LMAN1: variants seen among roughly 807,000 people sequenced by gnomAD.
The protein encoded by LMAN1 is protein ERGIC-53.
LMAN1 carries 32 observed loss-of-function variants against 67.8 expected under a neutral mutation model. The observed-to-expected ratio is 0.47, with a 90% CI of 0.36 to 0.63. The LOEUF is 0.63. Ranked by LOEUF, LMAN1 falls within the 30% of genes least tolerant of loss-of-function variation. The pLI, the probability that LMAN1 is intolerant of heterozygous loss-of-function variation, is 0.00. For synonymous variants in LMAN1, 235 were observed against 219.3 expected, an observed-to-expected ratio of 1.07 and a Z score of -0.63; for missense variants, 632 against 628.2, an observed-to-expected ratio of 1.01 and a Z score of -0.06.
chr18:59,353,301 A>G lies in LMAN1; in HGVS notation c.540T>C (p.Asn180=), dbSNP rs886054038. 4 of 1,611,180 alleles carry G rather than the reference A, an allele frequency of 2.5e-6. No homozygotes were observed. The highest frequency in any genetic ancestry group is 3.4e-6 in the Non-Finnish European group (4 of 1,177,294). The change falls in exon 5 of 13, where the codon AAT becomes AAC. Residue 180 remains asparagine (N), a splice_region_variant and synonymous_variant. Transcript: ENST00000251047. ...TTGCCAAAGCTTGACTAGCCCCGTC[A>G]CTATAGTGTAAGGGGGAGGAAAACA... ...NNGQIHYDHQ[N]DGASQALASC... is the part of the protein sequence containing the mutation.
At chr18:59,348,234 A>G (rs780093047) in intron 6 of LMAN1, among the ~76,000 whole-genome samples, 1 of 152,244 alleles carries the variant, frequency 6.6e-6, no homozygotes, top group Non-Finnish European at 1.5e-5. Context: ...AGAGCAATTA[A>G]TATCAATCGT....
At chr18:59,352,888 A>C in intron 5 of LMAN1, 1 of 356,574 alleles carries the variant, frequency 2.8e-6, no homozygotes, top group Non-Finnish European at 5.4e-6. Flanking sequence ...TGTATCCTGA[A>C]GGCTTGGAGA....
rs1908614964 is a variant in LMAN1, at chr18:59,354,490, C to T, written c.539+29G>A. ...AAGGATTCCAAAAAGAAGCTGAAAT[C>T]AGGAGTAATGTAAAAAACACACACT... On this transcript the variant is annotated intron_variant, in intron 4 of 12. Transcript: ENST00000251047. 3.2e-6 allele frequency: 4 copies of T among 1,265,424 alleles called. No homozygotes were observed. In the African/African-American group the frequency reaches 5.9e-5, roughly 19 times the overall value. The allele number at this position is 1,265,424 out of a possible 1,614,324, so 78.4% of individuals were successfully genotyped here.
intron 1 of LMAN1, among the ~76,000 whole-genome samples, chr18:59,358,705 G>A (rs766821740): frequency 6.6e-6 from 1 of 152,170 alleles, no homozygotes; most frequent in Non-Finnish European, 1.5e-5. Flanking sequence ...ATACCTAGAA[G>A]CAAGTTTGAG....
chr18:59,338,526 T>A, intron 10 of LMAN1, 31 bp downstream of exon 10: 1 of 1,580,234 alleles, frequency 6.3e-7, no homozygotes, highest in Non-Finnish European at 8.7e-7. Flanking sequence ...AAAAATCACA[T>A]AACACACAAA....
At position 59,333,094 on chromosome 18, in the gene LMAN1, A is replaced by G; in HGVS notation, c.1371T>C (p.Asn457=). The change falls in exon 11 of 13, where the codon AAT becomes AAC. Residue 457 remains asparagine (N), a synonymous_variant. Transcript: ENST00000251047. The part of the protein sequence containing the change: ...KRDIDNLVQR[N]MPSNEKPKCP... Reference sequence around the variant, plus strand: ...AAGGAAAAGGAAACAAAGTTACCATATTTCGCTGCACTAAGTTATCTATGT... The same window carrying G: ...AAGGAAAAGGAAACAAAGTTACCATGTTTCGCTGCACTAAGTTATCTATGT... The G allele has an allele frequency of 6.2e-7, 1 of 1,612,330 alleles. No individual in the cohort carries two copies. The highest frequency in any genetic ancestry group is 8.5e-7 in the Non-Finnish European group (1 of 1,178,520).
At chr18:59,353,984 G>A (rs373983960) in intron 4 of LMAN1, among the ~76,000 whole-genome samples, 6 of 152,128 alleles carry the variant, frequency 3.9e-5, no homozygotes, top group East Asian at 1.9e-4. Context: ...TTCTTGTTGC[G>A]TACACAAAAT....
intron 5 of LMAN1, among the ~76,000 whole-genome samples, chr18:59,351,251 T>G (rs1908537208): frequency 6.6e-6 from 1 of 151,994 alleles, no homozygotes; most frequent in Non-Finnish European, 1.5e-5. Context: ...GTACAACATA[T>G]CTCAAGGCCA....
chr18:59,351,180 T>C (rs967850059), intron 5 of LMAN1, among the ~76,000 whole-genome samples: 3 of 152,190 alleles, frequency 2.0e-5, no homozygotes, highest in African/African-American at 7.2e-5. Context: ...ATATGCCTAT[T>C]GTGAGAAGTT....
chr18:59,331,478 A>C lies in LMAN1; in HGVS notation c.1436T>G (p.Val479Gly). ...LPPFPSCLST[V>G]HFIIFVVVQT... The stretch of plus-strand genomic sequence containing the variant: ...CACCACAACAAATATAATGAAGTGG[A>C]CCGTAGACAAACATGATGGAAATGG... The change falls in exon 12 of 13, where the codon GTC becomes GGC. Residue 479 changes from valine (V) to glycine (G), a missense_variant. Physicochemically the swap from Val to Gly is moderately radical, Grantham distance 109. Transcript: ENST00000251047. 5 of 1,611,388 alleles carry C rather than the reference A, an allele frequency of 3.1e-6. No individual in the cohort carries two copies. The highest frequency in any genetic ancestry group is 4.2e-6 in the Non-Finnish European group (5 of 1,177,632).
intron 5 of LMAN1, among the ~76,000 whole-genome samples, chr18:59,351,049 C>T (rs1022421269): frequency 6.6e-6 from 1 of 152,168 alleles, no homozygotes; most frequent in Non-Finnish European, 1.5e-5. Context: ...CCTCCTCTTA[C>T]TTTGTTTTTC....
intron 5 of LMAN1, 63 bp from the exon 6 acceptor site, chr18:59,349,299 T>C (rs1908489691): frequency 1.4e-6 from 2 of 1,440,186 alleles, no homozygotes; most frequent in Non-Finnish European, 2.0e-6. Flanking sequence ...TTTCAATCGA[T>C]CCATTTTATG....
At chr18:59,353,622 A>G (rs771649281) in intron 4 of LMAN1, among the ~76,000 whole-genome samples, 11 of 152,210 alleles carry the variant, frequency 7.2e-5, no homozygotes, top group Non-Finnish European at 1.6e-4. Flanking sequence ...GAAACTCACT[A>G]AGGCAGAAAA....
Position 59,331,079 on chromosome 18 carries a change from C to G in LMAN1, c.*14G>C, listed in dbSNP as rs2070744359. 6.3e-7 allele frequency: 1 copy of G among 1,595,010 alleles called. No homozygotes were observed. The highest frequency in any genetic ancestry group is 8.6e-7 in the Non-Finnish European group (1 of 1,163,626). On this transcript the variant is annotated 3_prime_UTR_variant, in exon 13 of 13. Transcript: ENST00000251047. ...TTTGTACACAAATAGATGAAGTACA[C>G]AGGAAAATGGTAGTCAAAAGAATTT...
chr18:59,340,247 A>G (rs1351700121), intron 8 of LMAN1, among the ~76,000 whole-genome samples: 1 of 152,216 alleles, frequency 6.6e-6, no homozygotes, highest in Non-Finnish European at 1.5e-5. Context: ...GAGCTTCCCA[A>G]GTCTAGCAAA....
rs185875271 is a variant in LMAN1 at position 59,338,859 on chromosome 18, C to A, written c.1050G>T (p.Arg350=). 6.3e-5 allele frequency: 102 copies of A among 1,613,712 alleles called. No homozygotes were observed. The African/African-American group carries it at 7.9e-4, about 12-fold the overall frequency. The change falls in exon 9 of 13, where the codon CGG becomes CGT. Residue 350 remains arginine (R), a synonymous_variant. Transcript: ENST00000251047. The part of the protein sequence containing the change: ...RIHLEIKQLN[R]QLDMILDEQR... Reference sequence around the variant, plus strand: ...GTTCATCAAGAATCATATCTAACTGCCGGTTCAGCTGCTTGATTTCAAGAT... The same window carrying A: ...GTTCATCAAGAATCATATCTAACTGACGGTTCAGCTGCTTGATTTCAAGAT...
At chr18:59,333,523 A>T (rs1193758447) in intron 10 of LMAN1, 1 of 342,542 alleles carries the variant, frequency 2.9e-6, no homozygotes, top group Non-Finnish European at 5.4e-6. Flanking sequence ...GTGGATATTG[A>T]ATATAATGGA....
At chr18:59,346,675 C>G (rs909956602) in intron 7 of LMAN1, among the ~76,000 whole-genome samples, 1 of 151,740 alleles carries the variant, frequency 6.6e-6, no homozygotes, top group East Asian at 2.0e-4. Flanking sequence ...TGTGCACCAC[C>G]ACACCCAGCT....
chr18:59,345,195 A>G (rs1421954497), intron 8 of LMAN1, among the ~76,000 whole-genome samples: 1 of 152,194 alleles, frequency 6.6e-6, no homozygotes, highest in Non-Finnish European at 1.5e-5. Flanking sequence ...TGCATACTAC[A>G]TAGAGTTCAA....
Sources: allele counts gnomAD v4.1 joint callset (sites outside exome capture counted in the v4.1 genomes callset), GRCh38; gene constraint gnomAD v4.1.1; transcripts MANE v1.5; gene names NCBI Gene and HGNC (gene_info 2026-07-23, HGNC 2026-07-21).